CEP290: variants seen among roughly 807,000 people sequenced by gnomAD.
CEP290 encodes the protein centrosomal protein 290, also known as centrosomal protein of 290 kDa.
In CEP290, 317 loss-of-function variants were observed where a neutral mutation model predicts 344.9. The ratio of observed to expected loss-of-function variants is 0.92; its 90% confidence interval spans 0.84 to 1.01. CEP290 has a LOEUF of 1.01. CEP290 is among the 50% of genes least tolerant of loss of function. CEP290 has a pLI of 0.00. For missense variants in CEP290, 2,754 were observed against 2,761.4 expected (o/e 1.00, Z 0.06); for synonymous variants, 932 against 895.8 (o/e 1.04, Z -0.72).
chr12:88,090,541 G>T lies in CEP290; in HGVS notation c.3573+187C>A, dbSNP rs112112148. On this transcript the variant is annotated intron_variant, in intron 30 of 53. Transcript: ENST00000552810. ...GCTGTCTAAGAGGCTGAGGTGGGAG[G>T]ATCACCTGAACCCAGGTGGTGAAGG... is the stretch of plus-strand genomic sequence containing the variant. Among the ~76,000 whole-genome samples the T allele has an allele frequency of 0.038, 5,732 of 152,186 alleles. 174 individuals carry two copies. Among genetic ancestry groups the T allele is most frequent in the African/African-American group, 0.084 (3,474 of 41,506 alleles).
chr12:88,110,371 T>G (rs904435604), intron 22 of CEP290, among the ~76,000 whole-genome samples: 1 of 152,102 alleles, frequency 6.6e-6, no homozygotes, highest in African/African-American at 2.4e-5. Flanking sequence ...ATTAACATTT[T>G]ATTGCGTAAA....
Position 88,129,804 on chromosome 12 carries a change from G to T in CEP290, c.742C>A (p.Gln248Lys). ...TCATCAGTCATCTTCTCCATTTCCT[G>T]TACAGACTCTTCTAAATTTTTTCTC... ...EMRKNLEESV[Q>K]EMEKMTDEYN... The change falls in exon 10 of 54, where the codon CAG (glutamine) becomes AAG (lysine). Residue 248 changes from glutamine (Q) to lysine (K), a missense_variant. Gln to Lys is a moderately conservative substitution (Grantham distance 53). Coordinates refer to ENST00000552810, the MANE Select transcript of CEP290 (RefSeq NM_025114.4). The T allele has an allele frequency of 6.8e-7, 1 of 1,469,008 alleles. No homozygotes were observed. The highest frequency in any genetic ancestry group is 1.4e-5 in the South Asian group (1 of 71,742). 91.0% of individuals were successfully genotyped at this position (1,469,008 alleles called of 1,614,324 possible). A position where few individuals can be genotyped will look rare whatever the true frequency, so the allele number is the denominator to read the frequency against.
chr12:88,101,749 C>T (rs1275667288), intron 26 of CEP290, among the ~76,000 whole-genome samples: 1 of 151,492 alleles, frequency 6.6e-6, no homozygotes, highest in East Asian at 1.9e-4. Flanking sequence ...ACATTATCCA[C>T]AAGATGTCTC....
chr12:88,126,477 A>G, intron 11 of CEP290, 39 bp from the exon 12 acceptor site: 1 of 1,341,992 alleles, frequency 7.5e-7, no homozygotes, highest in South Asian at 1.6e-5. Context: ...TGCAAAAGGA[A>G]AGTTAATAAA....
chr12:88,089,701 G>T (rs1298112108), intron 30 of CEP290, among the ~76,000 whole-genome samples: 2 of 149,326 alleles, frequency 1.3e-5, no homozygotes, highest in African/African-American at 2.5e-5. Flanking sequence ...AAATGTAACT[G>T]AATAACAGTG....
chr12:88,056,193 T>C (rs1303700092), intron 49 of CEP290, among the ~76,000 whole-genome samples: 1 of 151,724 alleles, frequency 6.6e-6, no homozygotes, highest in Non-Finnish European at 1.5e-5. Flanking sequence ...TAGTGTATGA[T>C]GGGAGAGGGA....
intron 27 of CEP290, among the ~76,000 whole-genome samples, chr12:88,095,503 C>T (rs190496650): frequency 2.6e-5 from 4 of 152,200 alleles, no homozygotes; most frequent in Non-Finnish European, 5.9e-5. Flanking sequence ...TAAAAAGAAC[C>T]TACTAAAATT....
chr12:88,127,732 C>G (rs1242948824), intron 11 of CEP290, among the ~76,000 whole-genome samples: 1 of 152,156 alleles, frequency 6.6e-6, no homozygotes, highest in Non-Finnish European at 1.5e-5. Context: ...ATTTATTCCA[C>G]AGATATACTT....
chr12:88,106,589 G>C (rs2038296628), intron 25 of CEP290, 86 bp downstream of exon 25: 3 of 766,420 alleles, frequency 3.9e-6, no homozygotes, highest in Non-Finnish European at 6.1e-6. Context: ...ATTAATTCAG[G>C]TGATGAGCAT....
At chr12:88,091,821 C>T (rs1320310205) in intron 29 of CEP290, among the ~76,000 whole-genome samples, 1 of 152,116 alleles carries the variant, frequency 6.6e-6, no homozygotes, top group East Asian at 1.9e-4. Flanking sequence ...TAACTAAGTG[C>T]TCCTTATACT....
intron 39 of CEP290, among the ~76,000 whole-genome samples, chr12:88,078,815 TA>T (rs977201833): frequency 1.4e-4 from 21 of 151,962 alleles, no homozygotes; most frequent in East Asian, 5.8e-4. Context: ...AATAAAGTCT[TA>T]AAAAAAATCC....
At chr12:88,120,923 TA>T in intron 14 of CEP290, 73 bp downstream of exon 14, 1 of 1,276,680 alleles carries the variant, frequency 7.8e-7, no homozygotes, top group Non-Finnish European at 1.1e-6. Context: ...TGGTATGCAG[TA>T]AATAGCACAG....
chr12:88,133,520 T>G (rs942917074), intron 6 of CEP290, among the ~76,000 whole-genome samples: 1 of 152,190 alleles, frequency 6.6e-6, no homozygotes, highest in Non-Finnish European at 1.5e-5. Context: ...GCAATGAACA[T>G]ATGTGTGCAA....
At chr12:88,140,863 C>T (rs1242720251) in intron 3 of CEP290, 93 bp downstream of exon 3, 4 of 724,690 alleles carry the variant, frequency 5.5e-6, no homozygotes, top group East Asian at 3.1e-5. Context: ...TAGATATTAC[C>T]AGGTATTTTC....
intron 13 of CEP290, 115 bp from the exon 14 acceptor site, chr12:88,121,281 T>C: frequency 1.4e-6 from 1 of 691,558 alleles, no homozygotes; most frequent in Non-Finnish European, 2.3e-6. Context: ...TCCTTTAAAG[T>C]TGTCATTTTA....
intron 30 of CEP290, among the ~76,000 whole-genome samples, chr12:88,090,288 G>A (rs2036925382): frequency 6.6e-6 from 1 of 152,056 alleles, no homozygotes; most frequent in African/African-American, 2.4e-5. Context: ...TTCTAATCAG[G>A]TTCCAACTAA....
chr12:88,124,628 C>T (rs192557320), intron 13 of CEP290, among the ~76,000 whole-genome samples: 189 of 151,854 alleles, frequency 1.2e-3, no homozygotes, highest in African/African-American at 4.1e-3. Flanking sequence ...ATTCCATGCG[C>T]GTGTGTATAA....
intron 12 of CEP290, among the ~76,000 whole-genome samples, 163 bp downstream of exon 12, chr12:88,126,153 T>C (rs1370340666): frequency 1.3e-5 from 2 of 152,054 alleles, no homozygotes; most frequent in African/African-American, 4.8e-5. Flanking sequence ...TTCTAATTTT[T>C]TATTGGGACC....
At chr12:88,137,189 T>G (rs540478646) in intron 5 of CEP290, among the ~76,000 whole-genome samples, 1 of 152,298 alleles carries the variant, frequency 6.6e-6, no homozygotes, top group African/African-American at 2.4e-5. Flanking sequence ...ATGCACTGTT[T>G]AGACCAGTGC....
Sources: gnomAD v4.1 joint callset for allele counts (sites outside exome capture counted in the v4.1 genomes callset) on GRCh38, gnomAD v4.1.1 for gene constraint, MANE v1.5 for transcripts, NCBI Gene and HGNC (gene_info 2026-07-23, HGNC 2026-07-21) for gene names.